MAPK10: variants seen among roughly 807,000 people sequenced by gnomAD.
The protein encoded by MAPK10 is JNK3 alpha protein kinase.
Under a neutral mutation model 59.3 loss-of-function variants are expected in MAPK10, and 25 were observed. That is an observed-to-expected ratio of 0.42 (90% confidence interval 0.31 to 0.59). MAPK10 has a LOEUF of 0.59. MAPK10 is among the 20% of genes least tolerant of loss of function. The pLI, the probability that MAPK10 is intolerant of heterozygous loss-of-function variation, is 0.15. For missense variants in MAPK10, 351 were observed against 568.9 expected, an observed-to-expected ratio of 0.62 and a Z score of 3.90; for synonymous variants, 190 against 200.5, an observed-to-expected ratio of 0.95 and a Z score of 0.44.
intron 1 of MAPK10, among the ~76,000 whole-genome samples, chr4:86,388,816 A>G (rs1741832603): frequency 6.6e-6 from 1 of 152,230 alleles, no homozygotes; most frequent in African/African-American, 2.4e-5. Context: ...GATGCATGAA[A>G]TGTACTCAAC....
At chr4:86,031,596 TATGGAGGATTC>T in intron 11 of MAPK10, 165 bp from the exon 12 acceptor site, 1 of 559,516 alleles carries the variant, frequency 1.8e-6, no homozygotes, top group Non-Finnish European at 3.2e-6. Flanking sequence ...CCTGTAAACT[TATGGAGGATTC>T]ATTCATATTG....
intron 1 of MAPK10, among the ~76,000 whole-genome samples, chr4:86,370,316 A>C (rs1450524613): frequency 6.6e-6 from 1 of 152,182 alleles, no homozygotes; most frequent in Non-Finnish European, 1.5e-5. Context: ...TCCCAGATAA[A>C]ATTCAGCCAC....
In MAPK10 at chr4:86,032,602, A is replaced by G. The variant is rs140573744; in HGVS notation, c.1111-1171T>C. ...AAAGCTCTGGACAAGATTTTCAGAG[A>G]CAGCTTCTGGCTTCTGTGAGAGCTT... On this transcript the variant is annotated intron_variant, in intron 11 of 13. Transcript: ENST00000641462. 7 of 152,326 alleles carry G rather than the reference A, an allele frequency of 4.6e-5. No homozygotes were observed. The East Asian group carries it at 1.4e-3, about 29-fold the overall frequency. The allele number at this position is 152,326 out of a possible 1,614,324, so 9.4% of individuals were successfully genotyped here.
At chr4:86,317,813 G>A (rs967203031) in intron 2 of MAPK10, among the ~76,000 whole-genome samples, 63 of 152,312 alleles carry the variant, frequency 4.1e-4, no homozygotes, top group African/African-American at 1.3e-3. Flanking sequence ...CAAGCTTAGT[G>A]TGAAACAATG....
At chr4:86,084,989 C>G (rs886260450) in intron 9 of MAPK10, among the ~76,000 whole-genome samples, 3 of 152,102 alleles carry the variant, frequency 2.0e-5, no homozygotes, top group African/African-American at 7.2e-5. Flanking sequence ...CAAGAACATA[C>G]ACTGGGGAAA....
At chr4:86,396,747 G>T (rs1742999626) in intron 1 of MAPK10, among the ~76,000 whole-genome samples, 1 of 152,036 alleles carries the variant, frequency 6.6e-6, no homozygotes. Flanking sequence ...GGGGTGGGGG[G>T]TGCCACATAA....
intron 1 of MAPK10, among the ~76,000 whole-genome samples, chr4:86,467,219 A>T (rs1456965010): frequency 6.6e-6 from 1 of 152,198 alleles, no homozygotes; most frequent in Non-Finnish European, 1.5e-5. Flanking sequence ...ACCAAACCAA[A>T]TCAGAATGGA....
chr4:86,149,170 T>C (rs778239854), intron 4 of MAPK10, among the ~76,000 whole-genome samples: 16 of 152,226 alleles, frequency 1.1e-4, no homozygotes, highest in Non-Finnish European at 1.8e-4. Flanking sequence ...TCATTCTCAT[T>C]AGGCTTGAAA....
intron 2 of MAPK10, among the ~76,000 whole-genome samples, chr4:86,248,016 A>G (rs1031694251): frequency 1.3e-5 from 2 of 152,226 alleles, no homozygotes; most frequent in African/African-American, 4.8e-5. Flanking sequence ...CTCAGCCAAC[A>G]TGATCTCTGT....
At chr4:86,465,030 A>T (rs1366080734) in intron 1 of MAPK10, among the ~76,000 whole-genome samples, 1 of 152,268 alleles carries the variant, frequency 6.6e-6, no homozygotes, top group Non-Finnish European at 1.5e-5. Context: ...TAAAGCTATT[A>T]TCCAGCGATG....
At chr4:86,120,643 T>G (rs1188688772) in intron 4 of MAPK10, 1 of 152,232 alleles carries the variant, frequency 6.6e-6, no homozygotes, top group Non-Finnish European at 1.5e-5. Flanking sequence ...GTTTCTCTTC[T>G]TTGATCTTTG....
At chr4:86,227,433 G>C (rs1411476093) in intron 2 of MAPK10, among the ~76,000 whole-genome samples, 10 of 150,174 alleles carry the variant, frequency 6.7e-5, no homozygotes, top group Middle Eastern at 3.4e-3. Context: ...CTTGCAGTGA[G>C]CTGAGATGGC....
chr4:86,182,179 C>T (rs2077068040), intron 3 of MAPK10, among the ~76,000 whole-genome samples: 1 of 151,686 alleles, frequency 6.6e-6, no homozygotes, highest in South Asian at 2.1e-4. Flanking sequence ...AGCCTCTTGC[C>T]TTCAAAAGCT....
intron 2 of MAPK10, among the ~76,000 whole-genome samples, chr4:86,286,600 C>A (rs1051789313): frequency 6.6e-6 from 1 of 152,050 alleles, no homozygotes. Flanking sequence ...GGAAACTTGT[C>A]CAAGGTTAAA....
chr4:86,323,540 A>C (rs1356294989), intron 2 of MAPK10, among the ~76,000 whole-genome samples: 1 of 152,222 alleles, frequency 6.6e-6, no homozygotes, highest in Non-Finnish European at 1.5e-5. Context: ...GTTTAAACCG[A>C]GTCTATCAGA....
At position 86,383,074 on chromosome 4, in the gene MAPK10, T is replaced by A. The variant is rs113961930; in HGVS notation, c.-121-28430A>T. ...TCCTCATTCTGCATAGTGTAAGAAC[T>A]ATATAAGTAAATGTTAAATAAAATA... On this transcript the variant is annotated intron_variant, in intron 1 of 13. Transcript: ENST00000361569. 3.9e-3 allele frequency among the ~76,000 whole-genome samples: 598 copies of A among 152,342 alleles called. 2 individuals carry two copies. Among genetic ancestry groups the A allele is most frequent in the Non-Finnish European group, 5.3e-3 (361 of 68,022 alleles).
At chr4:86,302,739 G>A (rs2095493361) in intron 2 of MAPK10, among the ~76,000 whole-genome samples, 1 of 152,146 alleles carries the variant, frequency 6.6e-6, no homozygotes, top group Non-Finnish European at 1.5e-5. Flanking sequence ...CAGAATACCT[G>A]ACAAAAGCCA....
intron 1 of MAPK10, among the ~76,000 whole-genome samples, chr4:86,583,436 C>T (rs906752343): frequency 2.2e-4 from 34 of 152,096 alleles, no homozygotes; most frequent in African/African-American, 7.7e-4. Context: ...GACATAATTC[C>T]GGCCATCAAT....
At chr4:86,131,369 G>C (rs1253831078) in intron 4 of MAPK10, among the ~76,000 whole-genome samples, 1 of 152,142 alleles carries the variant, frequency 6.6e-6, no homozygotes, top group African/African-American at 2.4e-5. Context: ...TATTACTGCA[G>C]AATGTGGGAT....
Sources: allele counts gnomAD v4.1 joint callset (sites outside exome capture counted in the v4.1 genomes callset), GRCh38; gene constraint gnomAD v4.1.1; transcripts MANE v1.5; gene names NCBI Gene and HGNC (gene_info 2026-07-23, HGNC 2026-07-21).